Variants in METTL15 observed in about 807,000 individuals in gnomAD.
The protein encoded by METTL15 is methyltransferase 15, mitochondrial 12S rRNA N4-cytidine.
METTL15 carries 34 observed loss-of-function variants against 38.3 expected under a neutral mutation model. That is an observed-to-expected ratio of 0.89 (90% CI 0.68 to 1.18). The LOEUF is 1.18. Among genes scored for constraint, METTL15 ranks in the 50% most tolerant of loss-of-function variants. The probability of loss-of-function intolerance (pLI) is 0.00; values close to 1 mark genes in which losing one functional copy is unlikely to be tolerated. For synonymous variants in METTL15, 162 were observed against 170.9 expected (o/e 0.95, Z 0.41); for missense variants, 438 against 498.4 (o/e 0.88, Z 1.15).
intron 6 of METTL15, among the ~76,000 whole-genome samples, chr11:28,429,487 C>T (rs1214088286): frequency 8.9e-4 from 122 of 136,902 alleles, no homozygotes; most frequent in African/African-American, 3.1e-3. Context: ...CCTGCCTCAG[C>T]CTGCTGAGTG....
chr11:28,297,019 G>A (rs1856765216), intron 6 of METTL15, 88 bp downstream of exon 6: 1 of 1,312,802 alleles, frequency 7.6e-7, no homozygotes, highest in Admixed American at 1.8e-5. Flanking sequence ...GCATGCACAT[G>A]TGTGTGTGCA....
At chr11:28,248,571 T>C (rs1341353313) in intron 4 of METTL15, among the ~76,000 whole-genome samples, 1 of 152,108 alleles carries the variant, frequency 6.6e-6, no homozygotes, top group Non-Finnish European at 1.5e-5. Flanking sequence ...AGTAAAAATA[T>C]AACATCCATG....
At chr11:28,510,157 T>G (rs1851662536) in intron 6 of METTL15, among the ~76,000 whole-genome samples, 1 of 152,082 alleles carries the variant, frequency 6.6e-6, no homozygotes, top group South Asian at 2.1e-4. Context: ...TTACAGCGCC[T>G]GTGTCTCAGT....
At chr11:28,507,989 A>G (rs546624098) in intron 6 of METTL15, among the ~76,000 whole-genome samples, 18 of 152,324 alleles carry the variant, frequency 1.2e-4, no homozygotes, top group African/African-American at 3.8e-4. Context: ...AGCCCATTAT[A>G]AAAGATCTGA....
At chr11:28,181,747 G>A (rs532659205) in intron 3 of METTL15, among the ~76,000 whole-genome samples, 163 of 152,120 alleles carry the variant, frequency 1.1e-3, no homozygotes, top group African/African-American at 2.1e-3. Flanking sequence ...ATAGTAGAAT[G>A]ATTTATAATT....
intron 5 of METTL15, among the ~76,000 whole-genome samples, chr11:28,390,214 C>A (rs1306666445): frequency 2.0e-5 from 3 of 151,842 alleles, no homozygotes; most frequent in East Asian, 3.9e-4. Context: ...TTTTGCTGTG[C>A]AGAAGCTCTT....
At position 28,169,483 on chromosome 11, in the gene METTL15, G is replaced by A. The variant is rs144881423; in HGVS notation, c.271-41579G>A. On this transcript the variant is annotated intron_variant, in intron 3 of 6. Transcript: ENST00000407364. ...TATAGAAGAAAACAAGCATTAAAAT[G>A]TTGATCTGGATCTATAGATCTGAAA... 8.2e-4 allele frequency among the ~76,000 whole-genome samples: 125 copies of A among 152,238 alleles called. 1 individual carries two copies. The East Asian group carries it at 0.023, about 28-fold the overall frequency.
intron 3 of METTL15, among the ~76,000 whole-genome samples, chr11:28,133,311 A>G (rs1215053108): frequency 6.6e-6 from 1 of 152,216 alleles, no homozygotes; most frequent in Non-Finnish European, 1.5e-5. Flanking sequence ...GATGCCTTAT[A>G]GATGGGAGCT....
chr11:28,466,775 G>T (rs1029985747), intron 6 of METTL15, among the ~76,000 whole-genome samples: 1 of 152,140 alleles, frequency 6.6e-6, no homozygotes, highest in African/African-American at 2.4e-5. Flanking sequence ...AGGAGGGCTG[G>T]TGTGGGGAAT....
intron 5 of METTL15, among the ~76,000 whole-genome samples, chr11:28,389,463 T>C (rs1187018602): frequency 6.8e-6 from 1 of 146,612 alleles, no homozygotes; most frequent in Non-Finnish European, 1.5e-5. Context: ...TTCTCATCTA[T>C]GAGTGAGAAC....
intron 3 of METTL15, among the ~76,000 whole-genome samples, chr11:28,174,345 C>T (rs919590184): frequency 3.9e-5 from 6 of 152,100 alleles, no homozygotes; most frequent in Non-Finnish European, 8.8e-5. Context: ...CCAAGGTTTT[C>T]CCACTGCATT....
At chr11:28,143,113 A>G (rs1849756630) in intron 3 of METTL15, among the ~76,000 whole-genome samples, 1 of 151,680 alleles carries the variant, frequency 6.6e-6, no homozygotes. Context: ...TTTTTTCCTT[A>G]ATAGAAGATC....
intron 5 of METTL15, among the ~76,000 whole-genome samples, chr11:28,368,376 AT>A (rs1196408022): frequency 6.6e-6 from 1 of 152,186 alleles, no homozygotes; most frequent in Non-Finnish European, 1.5e-5. Flanking sequence ...GAAGACATTT[AT>A]GCAGCCAACA....
At chr11:28,294,145 G>A (rs1856637790) in intron 5 of METTL15, among the ~76,000 whole-genome samples, 1 of 152,126 alleles carries the variant, frequency 6.6e-6, no homozygotes, top group Admixed American at 6.6e-5. Flanking sequence ...ATTTTCAAAG[G>A]GAATGCTTCC....
chr11:28,354,703 A>G (rs946856443), intron 4 of METTL15, among the ~76,000 whole-genome samples: 3 of 152,218 alleles, frequency 2.0e-5, no homozygotes, highest in Non-Finnish European at 4.4e-5. Context: ...CTACTCACAT[A>G]GTGACATAAA....
intron 6 of METTL15, among the ~76,000 whole-genome samples, chr11:28,500,848 C>G (rs540232070): frequency 6.6e-6 from 1 of 152,194 alleles, no homozygotes; most frequent in Non-Finnish European, 1.5e-5. Context: ...GTGTTCTTCT[C>G]TTTTGATTTT....
chr11:28,489,971 A>G (rs1418039199), intron 6 of METTL15, among the ~76,000 whole-genome samples: 1 of 152,074 alleles, frequency 6.6e-6, no homozygotes, highest in East Asian at 1.9e-4. Flanking sequence ...GTTTTCCTCC[A>G]TCACTGCATG....
intron 6 of METTL15, among the ~76,000 whole-genome samples, chr11:28,478,726 T>C (rs1266436121): frequency 2.0e-5 from 3 of 152,206 alleles, no homozygotes; most frequent in African/African-American, 7.2e-5. Flanking sequence ...CATGAAGCAG[T>C]AAGCAACAGT....
In METTL15 at chr11:28,345,250, G is replaced by A. The variant is rs187818530; in HGVS notation, c.*190-6840G>A. Among the ~76,000 whole-genome samples, 28 of 152,286 alleles carry A rather than the reference G, an allele frequency of 1.8e-4. No individual in the cohort carries two copies. The East Asian group carries it at 2.1e-3, about 12-fold the overall frequency. ...GTCACCCAGGCTGGAGTGCAATGAC[G>A]TGATCTCGGCCTACTGCAACCTCCA... On this transcript the variant is annotated intron_variant and NMD_transcript_variant, in intron 3 of 7. Coordinates refer to the METTL15 transcript ENST00000532947.
Sources: gnomAD v4.1 joint callset for allele counts (sites outside exome capture counted in the v4.1 genomes callset) on GRCh38, gnomAD v4.1.1 for gene constraint, MANE v1.5 for transcripts, NCBI Gene and HGNC (gene_info 2026-07-23, HGNC 2026-07-21) for gene names.